EHBP1: variants seen among roughly 807,000 people sequenced by gnomAD.
EHBP1 encodes EH domain binding protein 1.
Under a neutral mutation model 144.0 loss-of-function variants are expected in EHBP1, and 55 were observed. That is an observed-to-expected ratio of 0.38 (90% confidence interval 0.31 to 0.48). EHBP1 has a LOEUF of 0.48. Among genes scored for constraint, EHBP1 ranks in the 20% least tolerant of loss-of-function variants. The pLI, the probability that EHBP1 is intolerant of heterozygous loss-of-function variation, is 0.98. For synonymous variants in EHBP1, 469 were observed against 472.7 expected (o/e 0.99, Z 0.10); for missense variants, 1,200 against 1,364.2 (o/e 0.88, Z 1.90).
At chr2:62,850,144 T>C (rs1281559286) in intron 7 of EHBP1, among the ~76,000 whole-genome samples, 2 of 152,176 alleles carry the variant, frequency 1.3e-5, no homozygotes, top group Non-Finnish European at 2.9e-5. Flanking sequence ...TTTAAGCCTG[T>C]GGAGAAAGTG....
chr2:62,996,786 T>C lies in EHBP1; in HGVS notation c.3103+20T>C. On this transcript the variant is annotated intron_variant, in intron 19 of 22. Transcript: ENST00000431489. ...ACACAGGTACGGTGCCCAATTACAC[T>C]GTAAACAGTTTTGGCAAATTGAGCG... 1 of 1,605,778 alleles carries C rather than the reference T, an allele frequency of 6.2e-7. No individual in the cohort carries two copies. Among genetic ancestry groups the C allele is most frequent in the South Asian group, 1.1e-5 (1 of 89,496 alleles).
intron 1 of EHBP1, among the ~76,000 whole-genome samples, chr2:62,683,648 G>A (rs1208163059): frequency 9.6e-6 from 1 of 104,074 alleles, no homozygotes; most frequent in Non-Finnish European, 1.7e-5. Flanking sequence ...GAAAGAGCGA[G>A]ACTCCATCTC....
chr2:62,841,417 C>G (rs2047851626), intron 7 of EHBP1, among the ~76,000 whole-genome samples: 2 of 151,388 alleles, frequency 1.3e-5, no homozygotes. Context: ...GTGCAGTGCA[C>G]CAGCATGGCA....
chr2:62,840,057 C>A (rs2047671465), intron 7 of EHBP1, among the ~76,000 whole-genome samples: 1 of 152,000 alleles, frequency 6.6e-6, no homozygotes, highest in Admixed American at 6.6e-5. Flanking sequence ...AAGAACAAAG[C>A]TGGAGGCATC....
intron 19 of EHBP1, among the ~76,000 whole-genome samples, chr2:63,035,920 TAAAA>T (rs2061424571): frequency 6.6e-6 from 1 of 152,014 alleles, no homozygotes; most frequent in Admixed American, 6.6e-5. Flanking sequence ...CCAGCTACCC[TAAAA>T]GAGAGATTAA....
chr2:62,858,659 C>T lies in EHBP1; in HGVS notation c.635-510C>T, dbSNP rs1380972500. 6.7e-6 allele frequency: 4 copies of T among 594,418 alleles called. No homozygotes were observed. In the East Asian group the frequency reaches 1.1e-4, roughly 17 times the overall value. The allele number at this position is 594,418 out of a possible 1,614,324, so 36.8% of individuals were successfully genotyped here. On this transcript the variant is annotated intron_variant, in intron 7 of 22. Transcript: ENST00000431489. ...TCTTTGGTAATTTGTAGTGCACCAA[C>T]AGGCAACAAGATAACAGTACTTATC...
intron 2 of EHBP1, among the ~76,000 whole-genome samples, chr2:62,734,288 T>C (rs543922630): frequency 1.3e-5 from 2 of 152,178 alleles, no homozygotes; most frequent in Admixed American, 1.3e-4. Flanking sequence ...AGAAATTCAC[T>C]CATGTTTTCT....
rs568101279 is a variant in EHBP1, at chr2:62,896,981, A to G, written c.1185+22449A>G. ...AGCAGAATTGTTTTAGCTAGATAAC[A>G]TATTAATATGGTTCAAAAATCAAAA... On this transcript the variant is annotated intron_variant, in intron 10 of 22. Transcript: ENST00000431489. 3.3e-4 allele frequency among the ~76,000 whole-genome samples: 50 copies of G among 152,316 alleles called. No homozygotes were observed. In the East Asian group the frequency reaches 8.7e-3, roughly 26 times the overall value.
At position 62,774,579 on chromosome 2, in the gene EHBP1, G is replaced by A. The variant is rs115612000; in HGVS notation, c.312+3187G>A. Reference sequence around the variant, plus strand: ...TTCAGCACTTAAGTATTCATTGAGCGTGTATTATGTGCTAGATACTGTTCT... The same window carrying A: ...TTCAGCACTTAAGTATTCATTGAGCATGTATTATGTGCTAGATACTGTTCT... On this transcript the variant is annotated intron_variant, in intron 5 of 22. Transcript: ENST00000431489. Among the ~76,000 whole-genome samples the A allele has an allele frequency of 1.5e-3, 222 of 152,208 alleles. 1 individual carries two copies. The highest frequency in any genetic ancestry group is 2.7e-3 in the Non-Finnish European group (186 of 68,008).
At position 62,857,257 on chromosome 2, in the gene EHBP1, TG is replaced by T. The variant is rs1355404607; in HGVS notation, c.635-1910del. ...AATATCTGGGAAGTGCAATAAAATG[TG>T]GTATGCCTGTAGGTATTTGTTAAGT... On this transcript the variant is annotated intron_variant, in intron 7 of 22. Transcript: ENST00000431489. Among the ~76,000 whole-genome samples, 3 of 152,360 alleles carry T rather than the reference TG, an allele frequency of 2.0e-5. No individual in the cohort carries two copies. In the East Asian group the frequency reaches 5.8e-4, roughly 29 times the overall value.
Position 62,782,902 on chromosome 2 carries a change from A to G in EHBP1, c.312+11510A>G, listed in dbSNP as rs534297550. On this transcript the variant is annotated intron_variant, in intron 5 of 22. Transcript: ENST00000431489. ...GTCTTAACTCATTCCAGCATTAACCAAAAGTCTAAGTCCAAAGTTTTATCC... is the reference window on the plus strand; with the variant it reads ...GTCTTAACTCATTCCAGCATTAACCGAAAGTCTAAGTCCAAAGTTTTATCC... Among the ~76,000 whole-genome samples, 99 of 150,830 alleles carry G rather than the reference A, an allele frequency of 6.6e-4. No homozygotes were observed. In the Middle Eastern group the frequency reaches 0.014, roughly 21 times the overall value.
intron 3 of EHBP1, among the ~76,000 whole-genome samples, chr2:62,750,423 C>T (rs886274923): frequency 1.3e-5 from 2 of 152,174 alleles, no homozygotes; most frequent in African/African-American, 4.8e-5. Flanking sequence ...AGCATGATGC[C>T]TCCAGCTTTG....
chr2:62,720,448 A>G (rs2036120627), intron 2 of EHBP1, among the ~76,000 whole-genome samples: 1 of 152,070 alleles, frequency 6.6e-6, no homozygotes, highest in South Asian at 2.1e-4. Flanking sequence ...ACTACATGCA[A>G]ATAGTTTCTC....
chr2:62,776,303 C>G (rs776529142), intron 5 of EHBP1, among the ~76,000 whole-genome samples: 9 of 152,130 alleles, frequency 5.9e-5, no homozygotes, highest in Non-Finnish European at 8.8e-5. Flanking sequence ...CACTTACTGG[C>G]TATGCAACCT....
At chr2:62,863,893 C>G (rs2152810833) in intron 8 of EHBP1, among the ~76,000 whole-genome samples, 1 of 112,426 alleles carries the variant, frequency 8.9e-6, no homozygotes, top group South Asian at 3.2e-4. Flanking sequence ...GTTGCCCAGA[C>G]TATAGTTCAG....
At chr2:62,957,182 T>C (rs1437720239) in intron 14 of EHBP1, among the ~76,000 whole-genome samples, 1 of 152,202 alleles carries the variant, frequency 6.6e-6, no homozygotes, top group East Asian at 1.9e-4. Context: ...GAATGCAAGA[T>C]TGTTTAATTT....
At chr2:63,016,053 C>T (rs1452334575) in intron 19 of EHBP1, among the ~76,000 whole-genome samples, 1 of 152,108 alleles carries the variant, frequency 6.6e-6, no homozygotes, top group East Asian at 1.9e-4. Context: ...TTACCCTATT[C>T]TTCTCTACTA....
intron 4 of EHBP1, among the ~76,000 whole-genome samples, chr2:62,771,053 T>G (rs139650887): frequency 5.9e-5 from 9 of 152,196 alleles, no homozygotes; most frequent in Non-Finnish European, 1.3e-4. Flanking sequence ...GAAGAATAAC[T>G]ATTGGGTACT....
chr2:62,962,833 GGATGCGTT>G (rs922324758), intron 14 of EHBP1, among the ~76,000 whole-genome samples: 3 of 152,152 alleles, frequency 2.0e-5, no homozygotes, highest in Non-Finnish European at 4.4e-5. Context: ...TTAGGTATCT[GGATGCGTT>G]TTAGAAAGAA....
Sources: gnomAD v4.1 joint callset for allele counts (sites outside exome capture counted in the v4.1 genomes callset) on GRCh38, gnomAD v4.1.1 for gene constraint, MANE v1.5 for transcripts, NCBI Gene and HGNC (gene_info 2026-07-23, HGNC 2026-07-21) for gene names.